Variants in CR1L observed in about 807,000 individuals in gnomAD.
CR1L encodes the protein complement C3b/C4b receptor 1 like.
In CR1L, 59 loss-of-function variants were observed where a neutral mutation model predicts 62.3. The ratio of observed to expected loss-of-function variants is 0.95; its 90% CI spans 0.77 to 1.18. CR1L has a LOEUF of 1.18. CR1L is among the 50% of genes most tolerant of loss of function. The pLI, the probability that CR1L is intolerant of heterozygous loss-of-function variation, is 0.00. For synonymous variants in CR1L, 279 were observed against 248.7 expected (o/e 1.12, Z -1.15); for missense variants, 700 against 702.8 (o/e 1.00, Z 0.04).
Position 207,677,471 on chromosome 1 carries a change from T to C in CR1L, c.180T>C (p.Tyr60=). 6.2e-7 allele frequency: 1 copy of C among 1,613,954 alleles called. No individual in the cohort carries two copies. ...ACTTTGAGTTTCCCATTGGGACATATCTGAACTATGAATGCCGCCCTGGTT... is the reference window on the plus strand; with the variant it reads ...ACTTTGAGTTTCCCATTGGGACATACCTGAACTATGAATGCCGCCCTGGTT... ...TDDFEFPIGT[Y]LNYECRPGYS... Residue 60 remains tyrosine, a synonymous_variant, in exon 2 of 12, where the codon TAT becomes TAC. Coordinates refer to ENST00000508064, the MANE Select transcript of CR1L (RefSeq NM_175710.2).
At chr1:207,717,334 C>A in intron 10 of CR1L, 130 bp from the exon 11 acceptor site, 1 of 1,063,324 alleles carries the variant, frequency 9.4e-7, no homozygotes, top group Non-Finnish European at 1.3e-6. Context: ...GATTTAAATT[C>A]CATCCACCTT....
At chr1:207,687,402 A>G (rs768856674) in intron 4 of CR1L, among the ~76,000 whole-genome samples, 4 of 152,170 alleles carry the variant, frequency 2.6e-5, no homozygotes, top group African/African-American at 7.2e-5. Context: ...CACACATCTT[A>G]ATTATGCAGT....
At chr1:207,717,227 C>A (rs1213533570) in intron 10 of CR1L, among the ~76,000 whole-genome samples, 1 of 152,064 alleles carries the variant, frequency 6.6e-6, no homozygotes, top group Admixed American at 6.6e-5. Flanking sequence ...ATGAACGTAG[C>A]TACCTGGATG....
chr1:207,694,729 A>C lies in CR1L; in HGVS notation c.840A>C (p.Pro280=), dbSNP rs769976764. Residue 280 remains proline (P), a synonymous_variant, in exon 5 of 12, where the codon CCA becomes CCC. Transcript: ENST00000508064. ...VKCQALNKWE[P]ELPSCSRVCQ... is the part of the protein sequence containing the mutation. ...GCCAGGCCCTGAACAAATGGGAGCCAGAGTTACCAAGCTGCTCCAGGGGTG... is the reference window on the plus strand; with the variant it reads ...GCCAGGCCCTGAACAAATGGGAGCCCGAGTTACCAAGCTGCTCCAGGGGTG... 6.2e-7 allele frequency: 1 copy of C among 1,611,786 alleles called. No homozygotes were observed. The highest frequency in any genetic ancestry group is 1.3e-5 in the African/African-American group (1 of 74,882).
At chr1:207,702,324 A>G (rs1219214718) in intron 9 of CR1L, among the ~76,000 whole-genome samples, 2 of 152,342 alleles carry the variant, frequency 1.3e-5, no homozygotes, top group African/African-American at 4.8e-5. Context: ...CTCCATGGAC[A>G]AGACATTCCC....
chr1:207,699,229 G>T lies in CR1L; in HGVS notation c.1183G>T (p.Ala395Ser), dbSNP rs114968622. Residue 395 changes from alanine (A) to serine (S), a missense_variant, in exon 8 of 12, where the codon GCT becomes TCT. By Grantham distance (99) the Ala-to-Ser change is moderately conservative (BLOSUM62 1). Transcript: ENST00000508064. ...CAGCTCTGCTAGTTACTGTGTTTTG[G>T]CTGGAATGGAAAGCCTTTGGAATAG... Reference protein sequence around the residue: ...KGSSASYCVLAGMESLWNSSV... With the variant: ...KGSSASYCVLSGMESLWNSSV... 2.0e-3 allele frequency: 3,186 copies of T among 1,613,736 alleles called. 61 individuals are homozygous for T. The African/African-American group carries it at 0.037, about 19-fold the overall frequency.
Position 207,706,256 on chromosome 1 carries a change from C to CA in CR1L, c.1329-1916dup, listed in dbSNP as rs1437985874. On this transcript the variant is annotated intron_variant, in intron 9 of 11. Coordinates refer to ENST00000508064, the MANE Select transcript of CR1L (RefSeq NM_175710.2). ...GCAATAAGGCAAAACCCCATCTCTA[C>CA]AAAAAAGTATAAAAATTAGCTGGGC... Among the ~76,000 whole-genome samples the CA allele has an allele frequency of 3.3e-5, 5 of 151,552 alleles. No individual in the cohort carries two copies. The East Asian group carries it at 5.8e-4, about 18-fold the overall frequency.
At chr1:207,703,370 T>C (rs1438779378) in intron 9 of CR1L, among the ~76,000 whole-genome samples, 1 of 152,180 alleles carries the variant, frequency 6.6e-6, no homozygotes, top group Non-Finnish European at 1.5e-5. Flanking sequence ...CTAGGGCCCT[T>C]AAGAATTATG....
chr1:207,690,927 C>T (rs1290210408), intron 4 of CR1L, among the ~76,000 whole-genome samples: 7 of 152,184 alleles, frequency 4.6e-5, no homozygotes, highest in Non-Finnish European at 1.0e-4. Context: ...CCCTGGCAAT[C>T]CAGAATGGTC....
At chr1:207,697,987 C>T in intron 7 of CR1L, 114 bp downstream of exon 7, 2 of 1,472,896 alleles carry the variant, frequency 1.4e-6, no homozygotes, top group Non-Finnish European at 1.9e-6. Context: ...CACACACACA[C>T]ACACACACAA....
chr1:207,684,518 A>G (rs2102462607), intron 4 of CR1L, among the ~76,000 whole-genome samples: 1 of 152,354 alleles, frequency 6.6e-6, no homozygotes, highest in Admixed American at 6.5e-5. Context: ...TGTTAGAGTA[A>G]CCTAAATATT....
At chr1:207,708,349 T>C (rs1558024759) in intron 10 of CR1L, 86 bp downstream of exon 10, 1 of 1,508,060 alleles carries the variant, frequency 6.6e-7, no homozygotes, top group East Asian at 2.3e-5. Flanking sequence ...ATCTCATCCC[T>C]CTTGGAAATG....
rs778609729 is a variant in CR1L at position 207,708,262 on chromosome 1, A to G, written c.1413A>G (p.Gln471=). 2 of 1,611,246 alleles carry G rather than the reference A, an allele frequency of 1.2e-6. No individual in the cohort carries two copies. The highest frequency in any genetic ancestry group is 1.7e-6 in the Non-Finnish European group (2 of 1,179,264). Residue 471 remains glutamine, a splice_region_variant and synonymous_variant, in exon 10 of 12, where the codon CAA becomes CAG. Coordinates refer to ENST00000508064, the MANE Select transcript of CR1L (RefSeq NM_175710.2). ...GGAGCATGAAGCCACCAATTTGTCA[A>G]CGTGAGTTGAAATCTCTTTCCCCAT... The part of the protein sequence containing the change: ...AHWSMKPPIC[Q]QIFCPNPPAI...
intron 4 of CR1L, among the ~76,000 whole-genome samples, chr1:207,686,088 C>CCTCCT: frequency 1.9e-5 from 1 of 54,014 alleles, no homozygotes; most frequent in Admixed American, 1.7e-4. Flanking sequence ...CCCTCCCTTC[C>CCTCCT]TCCCTCCTTT....
At chr1:207,678,996 CT>C (rs34807467) in intron 3 of CR1L, among the ~76,000 whole-genome samples, 13,987 of 130,968 alleles carry the variant, frequency 0.11, 1,033 homozygotes, top group East Asian at 0.35. Context: ...GTCCAAAGTT[CT>C]TTTTTTTTTT....
rs1285814937 is a variant in CR1L at position 207,678,233 on chromosome 1, G to C, written c.313G>C (p.Gly105Arg). ...TCGTAATCCTCCAGATCCTGTGAAT[G>C]GCATGGCACATGTGATCAAAGACAT... ...SCRNPPDPVNGMAHVIKDIQF... is the reference protein window; with the variant it reads ...SCRNPPDPVNRMAHVIKDIQF... Residue 105 changes from glycine to arginine, a missense_variant, in exon 3 of 12, where the codon GGC becomes CGC. Gly to Arg is a moderately radical substitution (Grantham distance 125, BLOSUM62 -2). Transcript: ENST00000508064. 1.2e-6 allele frequency: 2 copies of C among 1,613,560 alleles called. No homozygotes were observed. The highest frequency in any genetic ancestry group is 4.5e-5 in the East Asian group (2 of 44,888).
intron 1 of CR1L, chr1:207,657,464 AGCC>A: frequency 2.0e-6 from 1 of 511,146 alleles, no homozygotes; most frequent in Admixed American, 3.5e-5. Flanking sequence ...GGTCAATTCA[AGCC>A]AAAAAATAGT....
chr1:207,711,917 A>G (rs1438989510), intron 10 of CR1L, among the ~76,000 whole-genome samples: 1 of 151,956 alleles, frequency 6.6e-6, no homozygotes, highest in Admixed American at 6.6e-5. Flanking sequence ...AAAAACACAA[A>G]AAACAAGAAA....
chr1:207,709,392 C>T (rs1664318101), intron 10 of CR1L, among the ~76,000 whole-genome samples: 1 of 150,112 alleles, frequency 6.7e-6, no homozygotes, highest in Non-Finnish European at 1.5e-5. Context: ...GGCAGCAGAG[C>T]AAGACCTTGT....
Sources: gnomAD v4.1 joint callset for allele counts (sites outside exome capture counted in the v4.1 genomes callset) on GRCh38, gnomAD v4.1.1 for gene constraint, MANE v1.5 for transcripts, NCBI Gene and HGNC (gene_info 2026-07-23, HGNC 2026-07-21) for gene names.